FHIT: variants seen among roughly 807,000 people sequenced by gnomAD.
FHIT encodes the protein bis(5'-adenosyl)-triphosphatase.
FHIT carries 19 observed loss-of-function variants against 17.9 expected under a neutral mutation model. That is an observed-to-expected ratio of 1.06 (90% CI 0.74 to 1.56). FHIT has a LOEUF of 1.56. Among genes scored for constraint, FHIT ranks in the 40% most tolerant of loss-of-function variants. The probability of loss-of-function intolerance (pLI) is 0.00; values close to 1 mark genes in which losing one functional copy is unlikely to be tolerated. For synonymous variants in FHIT, 81 were observed against 69.7 expected (o/e 1.16, Z -0.81); for missense variants, 248 against 189.2 (o/e 1.31, Z -1.82).
chr3:59,867,616 C>T (rs1702713999), intron 8 of FHIT, among the ~76,000 whole-genome samples: 1 of 151,892 alleles, frequency 6.6e-6, no homozygotes, highest in South Asian at 2.1e-4. Flanking sequence ...TGTGTGATTG[C>T]CTTAATCCTT....
chr3:60,425,805 TGAG>T (rs941434660), intron 5 of FHIT, among the ~76,000 whole-genome samples: 18 of 25,050 alleles, frequency 7.2e-4, no homozygotes, highest in Admixed American at 1.3e-3. Context: ...TTAAAGGAAA[TGAG>T]GAAGTAAAGT....
intron 5 of FHIT, among the ~76,000 whole-genome samples, chr3:60,158,604 G>A (rs931793425): frequency 1.1e-4 from 16 of 152,200 alleles, no homozygotes; most frequent in Admixed American, 5.9e-4. Context: ...AAGCCACCGC[G>A]CCCGGCCTCA....
intron 5 of FHIT, among the ~76,000 whole-genome samples, chr3:60,530,139 G>A (rs2035722453): frequency 6.6e-6 from 1 of 152,156 alleles, no homozygotes; most frequent in African/African-American, 2.4e-5. Flanking sequence ...GACAGGTCAA[G>A]ATCAAGGAAA....
intron 5 of FHIT, among the ~76,000 whole-genome samples, chr3:60,094,800 G>C (rs1703871795): frequency 8.6e-6 from 1 of 116,788 alleles, no homozygotes; most frequent in Admixed American, 8.6e-5. Flanking sequence ...ACAAGGGGTG[G>C]GGGAGAGAGA....
At chr3:60,846,478 T>C (rs1235838712) in intron 3 of FHIT, among the ~76,000 whole-genome samples, 2 of 152,190 alleles carry the variant, frequency 1.3e-5, no homozygotes, top group African/African-American at 4.8e-5. Context: ...AAATGTTGCA[T>C]ATAGTCAAAC....
At chr3:61,218,542 T>C (rs9809726) in intron 1 of FHIT, among the ~76,000 whole-genome samples, 46 of 151,680 alleles carry the variant, frequency 3.0e-4, no homozygotes, top group African/African-American at 1.0e-3. Flanking sequence ...GACGGTTTGT[T>C]TGTATAGTTT....
At chr3:60,361,844 G>A (rs1424579725) in intron 5 of FHIT, among the ~76,000 whole-genome samples, 1 of 152,134 alleles carries the variant, frequency 6.6e-6, no homozygotes, top group Non-Finnish European at 1.5e-5. Flanking sequence ...AGGGAAGTGA[G>A]CTGTACTATC....
At chr3:60,472,011 A>G (rs2033111406) in intron 5 of FHIT, among the ~76,000 whole-genome samples, 1 of 152,114 alleles carries the variant, frequency 6.6e-6, no homozygotes, top group East Asian at 1.9e-4. Flanking sequence ...CTTTTAAATC[A>G]ATTTTGGGGT....
intron 4 of FHIT, among the ~76,000 whole-genome samples, chr3:60,578,440 AACACACACACACAC>A (rs71748891): frequency 5.5e-5 from 8 of 144,296 alleles, no homozygotes; most frequent in East Asian, 2.1e-4. Context: ...CCATCTACAA[AACACACACACACAC>A]ACACACACAC....
At chr3:59,988,735 C>T (rs1467562241) in intron 7 of FHIT, among the ~76,000 whole-genome samples, 5 of 152,036 alleles carry the variant, frequency 3.3e-5, no homozygotes, top group African/African-American at 9.7e-5. Context: ...GGATCAAGGA[C>T]GACTTCCCTG....
intron 8 of FHIT, among the ~76,000 whole-genome samples, chr3:59,868,075 T>A (rs1034440957): frequency 4.6e-5 from 7 of 150,994 alleles, no homozygotes; most frequent in African/African-American, 1.7e-4. Context: ...AACCTTTCAT[T>A]GTGTTTTGCC....
At chr3:60,950,112 A>C (rs1396137905) in intron 3 of FHIT, among the ~76,000 whole-genome samples, 2 of 152,200 alleles carry the variant, frequency 1.3e-5, no homozygotes, top group Admixed American at 6.5e-5. Flanking sequence ...GCAACTACTT[A>C]CCTTTGTGTT....
chr3:59,815,329 T>C (rs773010486), intron 8 of FHIT, among the ~76,000 whole-genome samples: 3 of 152,126 alleles, frequency 2.0e-5, no homozygotes, highest in Non-Finnish European at 4.4e-5. Flanking sequence ...GGAGATTCCT[T>C]AAATAACTAA....
chr3:60,507,576 C>T (rs1352337241), intron 5 of FHIT, among the ~76,000 whole-genome samples: 1 of 152,094 alleles, frequency 6.6e-6, no homozygotes, highest in African/African-American at 2.4e-5. Context: ...CATAGGTAAA[C>T]TCGTGTCATG....
chr3:60,174,358 T>A (rs533940649), intron 5 of FHIT, among the ~76,000 whole-genome samples: 4 of 152,146 alleles, frequency 2.6e-5, no homozygotes, highest in Admixed American at 6.5e-5. Flanking sequence ...CCTTTGATAG[T>A]ACTCTTGTGT....
chr3:60,408,025 C>T (rs948831333), intron 5 of FHIT, among the ~76,000 whole-genome samples: 1 of 152,194 alleles, frequency 6.6e-6, no homozygotes, highest in African/African-American at 2.4e-5. Context: ...AATGACAGCA[C>T]ATGCCTCATT....
chr3:61,150,052 C>A (rs1457255174), intron 2 of FHIT, among the ~76,000 whole-genome samples: 1 of 152,114 alleles, frequency 6.6e-6, no homozygotes, highest in Admixed American at 6.5e-5. Flanking sequence ...CTGTCCTTTT[C>A]TTCATTCAAC....
chr3:60,053,799 G>C (rs547536024), intron 5 of FHIT, among the ~76,000 whole-genome samples: 2 of 152,052 alleles, frequency 1.3e-5, no homozygotes, highest in South Asian at 2.1e-4. Flanking sequence ...CACCTTCAAA[G>C]AGTCCTTTCC....
At chr3:60,706,721 T>C (rs1437437959) in intron 4 of FHIT, among the ~76,000 whole-genome samples, 3 of 152,218 alleles carry the variant, frequency 2.0e-5, no homozygotes, top group African/African-American at 7.2e-5. Flanking sequence ...TATTCTTGCA[T>C]CCCATTTGGT....
Sources: gnomAD v4.1 joint callset for allele counts (sites outside exome capture counted in the v4.1 genomes callset) on GRCh38, gnomAD v4.1.1 for gene constraint, MANE v1.5 for transcripts, NCBI Gene and HGNC (gene_info 2026-07-23, HGNC 2026-07-21) for gene names.